The following VPS13A variants were observed in gnomAD, a reference collection of about 807,000 sequenced individuals.
VPS13A encodes the protein intermembrane lipid transfer protein VPS13A.
VPS13A carries 264 observed loss-of-function variants against 390.9 expected under a neutral mutation model. The observed-to-expected ratio is 0.68, with a 90% CI of 0.61 to 0.75. The LOEUF is 0.75. Ranked by LOEUF, VPS13A falls within the 30% of genes least tolerant of loss-of-function variation. The pLI is 0.00. For missense variants in VPS13A, 3,409 were observed against 3,733.9 expected (o/e 0.91, Z 2.27); for synonymous variants, 1,231 against 1,227.1 (o/e 1.00, Z -0.07).
At chr9:77,357,011 G>C in intron 55 of VPS13A, 144 bp downstream of exon 55, 1 of 970,834 alleles carries the variant, frequency 1.0e-6, no homozygotes, top group Non-Finnish European at 1.5e-6. Context: ...ATGTTTTAAA[G>C]AGGTGTTTAT....
chr9:77,216,826 GAGA>G (rs905289582), intron 10 of VPS13A, among the ~76,000 whole-genome samples: 8 of 152,172 alleles, frequency 5.3e-5, no homozygotes, highest in Admixed American at 2.0e-4. Context: ...TTTGGAGTTT[GAGA>G]AGAAGAATTT....
intron 68 of VPS13A, among the ~76,000 whole-genome samples, chr9:77,401,290 C>A (rs950626705): frequency 6.6e-6 from 1 of 151,434 alleles, no homozygotes; most frequent in Admixed American, 6.6e-5. Flanking sequence ...TACCTCCTAC[C>A]CCATGCTCCA....
intron 59 of VPS13A, 39 bp from the exon 60 acceptor site, chr9:77,365,421 A>C: frequency 8.8e-6 from 11 of 1,257,056 alleles, no homozygotes; most frequent in Non-Finnish European, 1.3e-5. Flanking sequence ...TCATGCAGGT[A>C]GGTCCCTTTA....
intron 54 of VPS13A, among the ~76,000 whole-genome samples, chr9:77,354,446 C>T (rs1831644932): frequency 6.6e-6 from 1 of 151,768 alleles, no homozygotes; most frequent in Non-Finnish European, 1.5e-5. Context: ...TTTTTAAGAC[C>T]TTTAGACCTA....
At chr9:77,414,820 G>T (rs1178896617) in intron 71 of VPS13A, among the ~76,000 whole-genome samples, 1 of 151,808 alleles carries the variant, frequency 6.6e-6, no homozygotes, top group Non-Finnish European at 1.5e-5. Context: ...TGGGCCTCCT[G>T]GCCAGACTCA....
At chr9:77,241,702 A>G (rs958481084) in intron 19 of VPS13A, among the ~76,000 whole-genome samples, 2 of 152,200 alleles carry the variant, frequency 1.3e-5, no homozygotes, top group South Asian at 4.1e-4. Flanking sequence ...TCATTTCGGG[A>G]AGATTTATAT....
chr9:77,206,511 C>G (rs756861243), intron 5 of VPS13A, among the ~76,000 whole-genome samples: 11 of 152,144 alleles, frequency 7.2e-5, no homozygotes, highest in Admixed American at 4.6e-4. Context: ...CTATTTGCCT[C>G]TATCTGTTTA....
intron 22 of VPS13A, among the ~76,000 whole-genome samples, chr9:77,255,419 A>G (rs1011667314): frequency 6.6e-6 from 1 of 152,158 alleles, no homozygotes; most frequent in African/African-American, 2.4e-5. Context: ...AGTAAATGAT[A>G]TATAAACCAT....
chr9:77,229,163 C>T (rs938956615), intron 17 of VPS13A, among the ~76,000 whole-genome samples: 13 of 152,156 alleles, frequency 8.5e-5, no homozygotes, highest in Admixed American at 8.5e-4. Context: ...ACTGCAGTCT[C>T]TGCTTCCTGG....
At chr9:77,380,614 T>A (rs375698901) in intron 67 of VPS13A, among the ~76,000 whole-genome samples, 1 of 152,210 alleles carries the variant, frequency 6.6e-6, no homozygotes, top group Non-Finnish European at 1.5e-5. Context: ...CCGGCCCTAT[T>A]CTGTTTTCAG....
chr9:77,200,783 G>T (rs567988846), intron 2 of VPS13A, among the ~76,000 whole-genome samples: 1 of 151,990 alleles, frequency 6.6e-6, no homozygotes, highest in Non-Finnish European at 1.5e-5. Flanking sequence ...ATCTAATGTC[G>T]TGAAGATTTT....
At chr9:77,232,544 C>T (rs1403379655) in intron 17 of VPS13A, among the ~76,000 whole-genome samples, 1 of 152,034 alleles carries the variant, frequency 6.6e-6, no homozygotes, top group Non-Finnish European at 1.5e-5. Context: ...TTCTTATGCT[C>T]CTAATAAAGA....
At position 77,221,342 on chromosome 9, in the gene VPS13A, C is replaced by T. The variant is rs763397214; in HGVS notation, c.1147C>T (p.Leu383Phe). 1.9e-6 allele frequency: 3 copies of T among 1,612,768 alleles called. No individual in the cohort carries two copies. Among genetic ancestry groups the T allele is most frequent in the African/African-American group, 1.3e-5 (1 of 74,982 alleles). Residue 383 changes from leucine (L) to phenylalanine (F), a missense_variant, in exon 13 of 72, where the codon CTC (leucine) becomes TTC (phenylalanine). Leu to Phe is a conservative substitution (Grantham distance 22). Around this residue, in one of 5 missense-constraint regions of VPS13A, gnomAD observed 2,717 missense variants for 2,917.4 expected, o/e 0.93. Transcript: ENST00000360280. ...LTSKKPPGEL[L>F]VSLEELEKTL... The stretch of plus-strand genomic sequence containing the variant: ...AAGTAAGAAGCCACCTGGTGAACTT[C>T]TCGTGTCTTTGGAGGTTAGCATTTA...
At chr9:77,381,019 A>G (rs1354735400) in intron 67 of VPS13A, among the ~76,000 whole-genome samples, 24 of 152,216 alleles carry the variant, frequency 1.6e-4, no homozygotes, top group Admixed American at 1.6e-3. Context: ...CCTCTTAATA[A>G]ATATTTGTTG....
intron 51 of VPS13A, among the ~76,000 whole-genome samples, chr9:77,344,486 G>A (rs1035711880): frequency 5.3e-5 from 8 of 152,044 alleles, no homozygotes; most frequent in South Asian, 2.1e-4. Context: ...GGCCGGGTGC[G>A]GTGGCTCACG....
chr9:77,275,261 T>C (rs888166515), intron 24 of VPS13A, among the ~76,000 whole-genome samples: 1 of 152,138 alleles, frequency 6.6e-6, no homozygotes, highest in Non-Finnish European at 1.5e-5. Context: ...TTAATAATGT[T>C]CCATGCTTCT....
At chr9:77,412,628 C>T (rs1024951488) in intron 71 of VPS13A, among the ~76,000 whole-genome samples, 1 of 151,982 alleles carries the variant, frequency 6.6e-6, no homozygotes, top group African/African-American at 2.4e-5. Context: ...TATGACAAAC[C>T]CACAGCCAAT....
chr9:77,333,540 A>T (rs1830390051), intron 46 of VPS13A, among the ~76,000 whole-genome samples: 1 of 148,666 alleles, frequency 6.7e-6, no homozygotes, highest in African/African-American at 2.5e-5. Context: ...TCAGCCTCCT[A>T]AGTAGCTGGG....
intron 23 of VPS13A, among the ~76,000 whole-genome samples, chr9:77,261,163 T>C (rs1430941576): frequency 1.3e-5 from 2 of 152,100 alleles, no homozygotes; most frequent in East Asian, 3.9e-4. Flanking sequence ...CCTTCCAAAG[T>C]GCTGGGATTA....
Sources: gnomAD v4.1 joint callset for allele counts (sites outside exome capture counted in the v4.1 genomes callset) on GRCh38, gnomAD v4.1.1 for gene constraint, gnomAD v4.1.1 regional missense constraint, MANE v1.5 for transcripts, NCBI Gene and HGNC (gene_info 2026-07-23, HGNC 2026-07-21) for gene names.